WASHC2C: variants seen among roughly 807,000 people sequenced by gnomAD.
The protein encoded by WASHC2C is Vaccinia Penetration Factor.
A neutral mutation model predicts 142.2 loss-of-function variants in WASHC2C; 73 were observed. That is an observed-to-expected ratio of 0.51 (90% CI 0.43 to 0.62). The LOEUF is 0.62. Ranked by LOEUF, WASHC2C falls within the 20% of genes least tolerant of loss-of-function variation. The probability of loss-of-function intolerance (pLI) is 0.00; values close to 1 mark genes in which losing one functional copy is unlikely to be tolerated. For synonymous variants in WASHC2C, 337 were observed against 565.5 expected, an observed-to-expected ratio of 0.60 and a Z score of 5.73; for missense variants, 969 against 1,531.7, an observed-to-expected ratio of 0.63 and a Z score of 6.13.
rs2052864054 is a variant in WASHC2C, at chr10:45,746,582, C to T, written c.685-18C>T. The stretch of plus-strand genomic sequence containing the variant: ...AGTAAAGCCCATTTAACAACAAAGC[C>T]TTTTCTTACCCATAAAGGAGTCAGA... On this transcript the variant is annotated intron_variant, in intron 7 of 30. Transcript: ENST00000623400. 3.1e-6 allele frequency: 5 copies of T among 1,613,208 alleles called. No individual in the cohort carries two copies. The highest frequency in any genetic ancestry group is 4.2e-6 in the Non-Finnish European group (5 of 1,179,422).
chr10:45,785,930 C>T (rs1554889907), intron 26 of WASHC2C: 5 of 383,398 alleles, frequency 1.3e-5, no homozygotes, highest in Middle Eastern at 7.6e-4. Context: ...GAATTTATTT[C>T]TCCCTCTGGA....
Position 45,789,044 on chromosome 10 carries a change from T to C in WASHC2C, c.3261T>C (p.Ser1087=), listed in dbSNP as rs2058246014. ...ATCGGCCACAGCTCAGAGCAGCCAG[T>C]GGAGAAGACAGCACTGAGGAGGCCC... ...NGHRPQLRAA[S]GEDSTEEALA... The change falls in exon 29 of 31, where the codon AGT becomes AGC. Residue 1087 remains serine (S), a synonymous_variant. Coordinates refer to ENST00000623400, the MANE Select transcript of WASHC2C (RefSeq NM_001330074.2). 4 of 1,611,876 alleles carry C rather than the reference T, an allele frequency of 2.5e-6. No individual in the cohort carries two copies. Among genetic ancestry groups the C allele is most frequent in the Non-Finnish European group, 3.4e-6 (4 of 1,179,862 alleles).
At chr10:45,736,679 C>T (rs1222458477) in intron 3 of WASHC2C, among the ~76,000 whole-genome samples, 1 of 152,046 alleles carries the variant, frequency 6.6e-6, no homozygotes, top group African/African-American at 2.4e-5. Flanking sequence ...GTGTTCAGAG[C>T]CTCAGGAAAT....
In WASHC2C at chr10:45,785,213, C is replaced by T. The variant is rs117732176; in HGVS notation, c.2689-296C>T. Among the ~76,000 whole-genome samples, 567 of 152,248 alleles carry T rather than the reference C, an allele frequency of 3.7e-3. 13 individuals are homozygous for T. In the East Asian group the frequency reaches 0.052, roughly 14 times the overall value. Reference sequence around the variant, plus strand: ...GCATACACTGGGGTGGCTAAATATTCGTGCCTTTCAGGTGCAAAGCTTTGA... The same window carrying T: ...GCATACACTGGGGTGGCTAAATATTTGTGCCTTTCAGGTGCAAAGCTTTGA... On this transcript the variant is annotated intron_variant, in intron 25 of 30. Transcript: ENST00000623400.
chr10:45,736,273 G>A lies in WASHC2C; in HGVS notation c.292-1710G>A, dbSNP rs1386167707. On this transcript the variant is annotated intron_variant, in intron 3 of 30. Transcript: ENST00000623400. ...CAAAAAAAATTAGCTGGGCATGGTG[G>A]CAGGCACCTGTAGTCCCAGCTACTC... 2.0e-5 allele frequency among the ~76,000 whole-genome samples: 3 copies of A among 151,624 alleles called. No homozygotes were observed. The East Asian group carries it at 5.8e-4, about 29-fold the overall frequency.
Position 45,755,053 on chromosome 10 carries a change from A to G in WASHC2C, c.1358A>G (p.Asp453Gly), listed in dbSNP as rs781795762. The G allele has an allele frequency of 1.9e-6, 3 of 1,611,798 alleles. No individual in the cohort carries two copies. The highest frequency in any genetic ancestry group is 2.5e-6 in the Non-Finnish European group (3 of 1,179,818). ...YGPPPTGLFD[D>G]DDGDDDDDFF... ...CCCCCTCCCACTGGCCTCTTTGATGATGATGATGGTGATGATGATGACGAC... is the reference window on the plus strand; with the variant it reads ...CCCCCTCCCACTGGCCTCTTTGATGGTGATGATGGTGATGATGATGACGAC... The change falls in exon 15 of 31, where the codon GAT becomes GGT. Residue 453 changes from aspartate to glycine, a missense_variant. Asp to Gly is a moderately conservative substitution (Grantham distance 94, BLOSUM62 -1). Coordinates refer to ENST00000623400, the MANE Select transcript of WASHC2C (RefSeq NM_001330074.2).
intron 3 of WASHC2C, among the ~76,000 whole-genome samples, chr10:45,732,052 T>G (rs2050672829): frequency 6.6e-6 from 1 of 152,172 alleles, no homozygotes; most frequent in African/African-American, 2.4e-5. Context: ...CGCCTTGGCC[T>G]CCCAAAGTGC....
intron 3 of WASHC2C, among the ~76,000 whole-genome samples, chr10:45,734,330 GT>G (rs1270459818): frequency 3.3e-5 from 5 of 150,868 alleles, no homozygotes; most frequent in African/African-American, 1.2e-4. Flanking sequence ...TTCTGTTCTT[GT>G]TTTTTAACTT....
intron 26 of WASHC2C, 168 bp from the exon 27 acceptor site, chr10:45,786,444 A>T: frequency 1.2e-6 from 1 of 828,226 alleles, no homozygotes; most frequent in South Asian, 1.5e-5. Flanking sequence ...GCATACGTGA[A>T]GTAGTGCTAG....
At chr10:45,773,492 A>C in intron 21 of WASHC2C, 134 bp downstream of exon 21, 1 of 940,494 alleles carries the variant, frequency 1.1e-6, no homozygotes, top group African/African-American at 1.6e-5. Context: ...GCCTGGTTTC[A>C]GAAAGAGATC....
chr10:45,749,034 G>A (rs1294776520), intron 8 of WASHC2C, among the ~76,000 whole-genome samples: 1 of 152,194 alleles, frequency 6.6e-6, no homozygotes, highest in Non-Finnish European at 1.5e-5. Context: ...TACCTTGGAT[G>A]GCTCTCTAGT....
At chr10:45,755,320 G>A (rs1348230713) in intron 15 of WASHC2C, among the ~76,000 whole-genome samples, 1 of 152,296 alleles carries the variant, frequency 6.6e-6, no homozygotes, top group African/African-American at 2.4e-5. Context: ...TGCTCTGTAA[G>A]CTAATTACTA....
chr10:45,750,089 C>T lies in WASHC2C; in HGVS notation c.733-7C>T. The T allele has an allele frequency of 6.2e-7, 1 of 1,609,030 alleles. No homozygotes were observed. On this transcript the variant is annotated splice_region_variant and splice_polypyrimidine_tract_variant and intron_variant, in intron 8 of 30. Transcript: ENST00000623400. ...AGTAGTTCTAATTTGGTATTTTATA[C>T]TCTTAGCACACCACACAAATGAGTG... is the stretch of plus-strand genomic sequence containing the variant.
Position 45,792,807 on chromosome 10 carries a change from A to C in WASHC2C, c.*407A>C, listed in dbSNP as rs2058454480. The stretch of plus-strand genomic sequence containing the variant: ...GGCTTGGGCAGGGGAAAGAGAAAGA[A>C]GATGAGAGATTATACTTCATGAGTC... On this transcript the variant is annotated 3_prime_UTR_variant, in exon 31 of 31. Transcript: ENST00000623400. 6.2e-6 allele frequency: 3 copies of C among 481,986 alleles called. No individual in the cohort carries two copies. The highest frequency in any genetic ancestry group is 1.3e-5 in the Non-Finnish European group (3 of 235,854). 29.9% of individuals were successfully genotyped at this position (481,986 alleles called of 1,614,324 possible).
At position 45,736,135 on chromosome 10, in the gene WASHC2C, T is replaced by C. The variant is rs1481202774; in HGVS notation, c.292-1848T>C. ...AAAAAAAAAAAATGCAGGCCGGGCA[T>C]GGTGGCTCACACCTGTAATCCCAGC... On this transcript the variant is annotated intron_variant, in intron 3 of 30. Coordinates refer to ENST00000623400, the MANE Select transcript of WASHC2C (RefSeq NM_001330074.2). Among the ~76,000 whole-genome samples the C allele has an allele frequency of 3.4e-5, 5 of 145,998 alleles. No individual in the cohort carries two copies. In the South Asian group the frequency reaches 8.6e-4, roughly 25 times the overall value.
chr10:45,763,290 G>T, intron 17 of WASHC2C, 98 bp from the exon 18 acceptor site: 1 of 586,216 alleles, frequency 1.7e-6, no homozygotes, highest in East Asian at 3.0e-5. Context: ...CTAGACACAT[G>T]GCAGCTGTCA....
At chr10:45,790,824 A>G (rs1466659751) in intron 30 of WASHC2C, among the ~76,000 whole-genome samples, 10 of 152,196 alleles carry the variant, frequency 6.6e-5, no homozygotes, top group African/African-American at 2.4e-4. Flanking sequence ...ACACACCCTG[A>G]TGTTATGTAA....
At chr10:45,759,513 C>T (rs2054810088) in intron 17 of WASHC2C, 112 bp downstream of exon 17, 1 of 1,424,856 alleles carries the variant, frequency 7.0e-7, no homozygotes, top group Admixed American at 2.2e-5. Flanking sequence ...TTAAGTACTC[C>T]AGTTCTTTAA....
At position 45,751,789 on chromosome 10, in the gene WASHC2C, A is replaced by G. The variant is rs554743610; in HGVS notation, c.1003+236A>G. ...TCAGGAGTTTAAGACCAGCCTGGCC[A>G]ACATAGTGAAACCCCATTTCTACTA... is the stretch of plus-strand genomic sequence containing the variant. On this transcript the variant is annotated intron_variant, in intron 11 of 30. Transcript: ENST00000623400. 1.2e-4 allele frequency among the ~76,000 whole-genome samples: 19 copies of G among 152,252 alleles called. No homozygotes were observed. In the East Asian group the frequency reaches 3.7e-3, roughly 29 times the overall value.
Sources: allele counts gnomAD v4.1 joint callset (sites outside exome capture counted in the v4.1 genomes callset), GRCh38; gene constraint gnomAD v4.1.1; transcripts MANE v1.5; gene names NCBI Gene and HGNC (gene_info 2026-07-23, HGNC 2026-07-21).